The following FBN2 variants were observed in gnomAD, a reference collection of about 807,000 sequenced individuals.
FBN2 encodes the protein fibrillin-2.
In FBN2, 105 loss-of-function variants were observed where a neutral mutation model predicts 355.6. The observed-to-expected ratio is 0.30, with a 90% CI of 0.25 to 0.35. The LOEUF (loss-of-function observed/expected upper bound fraction) is 0.35. FBN2 is among the 10% of genes least tolerant of loss of function. The probability of loss-of-function intolerance (pLI) is 1.00; values close to 1 mark genes in which losing one functional copy is unlikely to be tolerated. For missense variants in FBN2, 3,280 were observed against 3,758.7 expected (o/e 0.87, Z 3.33); for synonymous variants, 1,350 against 1,301.2 (o/e 1.04, Z -0.81).
intron 23 of FBN2, among the ~76,000 whole-genome samples, chr5:128,347,710 A>G (rs1751221638): frequency 6.6e-6 from 1 of 152,228 alleles, no homozygotes; most frequent in African/African-American, 2.4e-5. Flanking sequence ...GCATAATTCA[A>G]GTGGTGACAA....
chr5:128,364,019 A>G (rs1158104747), intron 18 of FBN2, among the ~76,000 whole-genome samples: 2 of 152,224 alleles, frequency 1.3e-5, no homozygotes, highest in African/African-American at 4.8e-5. Flanking sequence ...TATTTTATAA[A>G]AGTCCACTCA....
Position 128,532,576 on chromosome 5 carries a change from A to G in FBN2, c.338-1883T>C, listed in dbSNP as rs369070006. On this transcript the variant is annotated intron_variant, in intron 2 of 64. Coordinates refer to ENST00000262464, the MANE Select transcript of FBN2 (RefSeq NM_001999.4). ...ATAAAGACAAGAAGAAAGTCTGGAA[A>G]TGCTCTGAAACTGGCTGTAGTTAGG... 4.4e-4 allele frequency among the ~76,000 whole-genome samples: 67 copies of G among 152,324 alleles called. 1 individual carries two copies. In the South Asian group the frequency reaches 0.014, roughly 31 times the overall value.
At chr5:128,496,717 CT>C (rs1391339200) in intron 5 of FBN2, among the ~76,000 whole-genome samples, 1 of 151,888 alleles carries the variant, frequency 6.6e-6, no homozygotes, top group African/African-American at 2.4e-5. Flanking sequence ...AAAACCATCT[CT>C]ATTTGTAGAT....
chr5:128,350,014 A>G lies in FBN2; in HGVS notation c.2813-9T>C, dbSNP rs1416581978. ...TCTTGGGCAAGCTGTATCTGTAACA[A>G]CAACAGGACAAATTTTACTTCATTA... On this transcript the variant is annotated splice_polypyrimidine_tract_variant and intron_variant, in intron 21 of 64. Transcript: ENST00000262464. 6.2e-7 allele frequency: 1 copy of G among 1,611,418 alleles called. No homozygotes were observed. Among genetic ancestry groups the G allele is most frequent in the African/African-American group, 1.3e-5 (1 of 74,904 alleles).
intron 11 of FBN2, among the ~76,000 whole-genome samples, chr5:128,383,028 A>T (rs1752274493): frequency 6.6e-6 from 1 of 152,122 alleles, no homozygotes; most frequent in African/African-American, 2.4e-5. Flanking sequence ...GGCAACAAAG[A>T]ATATAGATCC....
chr5:128,438,218 C>A (rs958711335), intron 7 of FBN2, among the ~76,000 whole-genome samples: 7 of 152,236 alleles, frequency 4.6e-5, no homozygotes, highest in Admixed American at 4.6e-4. Context: ...TCTCAAACTT[C>A]CGGGCCTCAA....
intron 2 of FBN2, among the ~76,000 whole-genome samples, chr5:128,533,777 T>C (rs1034129414): frequency 2.0e-5 from 3 of 152,036 alleles, no homozygotes; most frequent in African/African-American, 7.3e-5. Context: ...TCTTATTATA[T>C]TGATCAAAAT....
chr5:128,510,001 C>A (rs527750514), intron 5 of FBN2, among the ~76,000 whole-genome samples: 1 of 152,148 alleles, frequency 6.6e-6, no homozygotes, highest in Non-Finnish European at 1.5e-5. Flanking sequence ...CAGTATTCTG[C>A]TGAAAACTTG....
intron 13 of FBN2, among the ~76,000 whole-genome samples, 191 bp downstream of exon 13, chr5:128,377,561 A>C (rs1047037960): frequency 4.0e-5 from 6 of 151,830 alleles, no homozygotes; most frequent in Admixed American, 2.6e-4. Context: ...AAAAAAAAAA[A>C]ACCAAAAAAC....
rs927067561 is a variant in FBN2, at chr5:128,279,749, A to C, written c.7138+443T>G. 2.0e-5 allele frequency among the ~76,000 whole-genome samples: 3 copies of C among 152,284 alleles called. No homozygotes were observed. In the South Asian group the frequency reaches 6.2e-4, roughly 32 times the overall value. On this transcript the variant is annotated intron_variant, in intron 56 of 64. Coordinates refer to ENST00000262464, the MANE Select transcript of FBN2 (RefSeq NM_001999.4). The stretch of plus-strand genomic sequence containing the variant: ...ATAAAATATAATGTCTGAGATGTAT[A>C]TTTCCCATAAAAAGGTTTTATAAAA...
intron 34 of FBN2, among the ~76,000 whole-genome samples, chr5:128,321,125 G>C (rs1248730545): frequency 6.6e-6 from 1 of 152,044 alleles, no homozygotes; most frequent in Non-Finnish European, 1.5e-5. Flanking sequence ...AGAAGGGTGG[G>C]ACTTTTATGA....
intron 23 of FBN2, among the ~76,000 whole-genome samples, chr5:128,348,617 A>C (rs1751248648): frequency 6.6e-6 from 1 of 152,184 alleles, no homozygotes; most frequent in African/African-American, 2.4e-5. Flanking sequence ...TCTAAATTTC[A>C]AATACAAATC....
At chr5:128,522,009 T>C (rs1756445965) in intron 4 of FBN2, among the ~76,000 whole-genome samples, 1 of 152,218 alleles carries the variant, frequency 6.6e-6, no homozygotes, top group African/African-American at 2.4e-5. Flanking sequence ...TTTCTTGTTA[T>C]TTTTAATGAA....
Position 128,309,418 on chromosome 5 carries a change from A to T in FBN2, c.5201-19T>A. The T allele has an allele frequency of 6.2e-7, 1 of 1,611,464 alleles. No homozygotes were observed. Among genetic ancestry groups the T allele is most frequent in the Non-Finnish European group, 8.5e-7 (1 of 1,177,820 alleles). ...CTCATGTCTATATAAAGAAAAACAA[A>T]GAAACTAGCCATTTGTATCCACGAG... On this transcript the variant is annotated intron_variant, in intron 40 of 64. Transcript: ENST00000262464.
At chr5:128,358,983 C>G (rs1751571670) in intron 19 of FBN2, among the ~76,000 whole-genome samples, 1 of 151,904 alleles carries the variant, frequency 6.6e-6, no homozygotes, top group Admixed American at 6.6e-5. Flanking sequence ...GGAATTGAAA[C>G]AGTTCACTGT....
intron 26 of FBN2, 30 bp downstream of exon 26, chr5:128,338,903 A>C: frequency 2.5e-6 from 4 of 1,612,514 alleles, no homozygotes; most frequent in Non-Finnish European, 3.4e-6. Flanking sequence ...TATGGTTTCA[A>C]GCTGGCGAGG....
intron 18 of FBN2, among the ~76,000 whole-genome samples, chr5:128,363,014 G>A (rs530012483): frequency 4.0e-5 from 6 of 151,788 alleles, no homozygotes; most frequent in Non-Finnish European, 8.8e-5. Context: ...TTCCTTTCTT[G>A]ATCTTGTTTT....
chr5:128,305,970 C>A (rs746582831), intron 42 of FBN2, 22 bp from the exon 43 acceptor site: 2 of 1,608,592 alleles, frequency 1.2e-6, no homozygotes, highest in South Asian at 2.2e-5. Context: ...CAGATTTGGT[C>A]AAATATATGT....
At chr5:128,328,904 T>G in intron 33 of FBN2, 83 bp from the exon 34 acceptor site, 3 of 1,449,052 alleles carry the variant, frequency 2.1e-6, no homozygotes, top group Non-Finnish European at 2.9e-6. Flanking sequence ...TAGATCAGTT[T>G]TACTGGCTTG....
Sources: allele counts gnomAD v4.1 joint callset (sites outside exome capture counted in the v4.1 genomes callset), GRCh38; gene constraint gnomAD v4.1.1; transcripts MANE v1.5; gene names NCBI Gene and HGNC (gene_info 2026-07-23, HGNC 2026-07-21).